The following KCNQ1OT1 variants were observed in gnomAD, a reference collection of about 807,000 sequenced individuals.
KCNQ1OT1 encodes the protein KCNQ1 antisense RNA 2 (non-protein coding).
Position 2,677,345 on chromosome 11 carries a change from T to C in KCNQ1OT1, n.22650A>G, listed in dbSNP as rs1850311775. The C allele has an allele frequency of 1.5e-5, 6 of 398,612 alleles. No homozygotes were observed. The highest frequency in any genetic ancestry group is 2.7e-5 in the Non-Finnish European group (6 of 226,052). The allele number at this position is 398,612 out of a possible 1,614,324, so 24.7% of individuals were successfully genotyped here. On this transcript the variant is annotated non_coding_transcript_exon_variant, in exon 1 of 1. Transcript: ENST00000597346. This position sits in a 1 kb window ranked among gnomAD's most constrained non-coding sequence, Gnocchi z 4.5. The stretch of plus-strand genomic sequence containing the variant: ...GTCAAATGATTTCTCAAATAGAGAC[T>C]GGGCAGAGTAGACCAGTTAGTTAAT...
At chr11:2,656,742 C>G (rs991059473) in exon 1 of KCNQ1OT1, 3 of 398,342 alleles carry the variant, frequency 7.5e-6, no homozygotes, top group Non-Finnish European at 1.3e-5. Flanking sequence ...ATTACTCAGT[C>G]TTCTCTCTCA....
At position 2,654,096 on chromosome 11, in the gene KCNQ1OT1, G is replaced by A. The variant is rs1014378444; in HGVS notation, n.45899C>T. On this transcript the variant is annotated non_coding_transcript_exon_variant, in exon 1 of 1. Coordinates refer to ENST00000597346, the Ensembl canonical transcript of KCNQ1OT1. This position sits in a 1 kb window ranked among gnomAD's most constrained non-coding sequence, Gnocchi z 6.4. ...TTTCCATCCATGTCCCTTACTTCTC[G>A]CCTCTGAGTGGAGACACAGGTGGTG... 7 of 398,614 alleles carry A rather than the reference G, an allele frequency of 1.8e-5. No homozygotes were observed. The highest frequency in any genetic ancestry group is 6.2e-4 in the Middle Eastern group (1 of 1,610). The allele number at this position is 398,614 out of a possible 1,614,324, so 24.7% of individuals were successfully genotyped here. A position where few individuals can be genotyped will look rare whatever the true frequency, so the allele number is the denominator to read the frequency against.
In KCNQ1OT1 at chr11:2,664,989, G is replaced by C. The variant is rs1388371413; in HGVS notation, n.35006C>G. Reference sequence around the variant, plus strand: ...GGGAAGGTCCCTGGGGCTGGGCGAAGCTCCTCTTTCCGGGGCCTGTTAGCC... The same window carrying C: ...GGGAAGGTCCCTGGGGCTGGGCGAACCTCCTCTTTCCGGGGCCTGTTAGCC... On this transcript the variant is annotated non_coding_transcript_exon_variant, in exon 1 of 1. Transcript: ENST00000597346. This position sits in a 1 kb window ranked among gnomAD's most constrained non-coding sequence, Gnocchi z 5.1. 2.5e-6 allele frequency: 1 copy of C among 398,698 alleles called. No homozygotes were observed. The highest frequency in any genetic ancestry group is 4.4e-6 in the Non-Finnish European group (1 of 226,156). The allele number at this position is 398,698 out of a possible 1,614,324, so 24.7% of individuals were successfully genotyped here.
Position 2,620,031 on chromosome 11 carries a change from A to C in KCNQ1OT1, n.79964T>G, listed in dbSNP as rs1849139474. 2.5e-6 allele frequency: 1 copy of C among 398,114 alleles called. No individual in the cohort carries two copies. The highest frequency in any genetic ancestry group is 4.4e-5 in the Admixed American group (1 of 22,680). 24.7% of individuals were successfully genotyped at this position (398,114 alleles called of 1,614,324 possible). A position where few individuals can be genotyped will look rare whatever the true frequency, so the allele number is the denominator to read the frequency against. ...CCACCTCTCCATTCCTCCCCCAAGT[A>C]GTCCCCAGTGTCTACTGATCATCTT... On this transcript the variant is annotated non_coding_transcript_exon_variant, in exon 1 of 1. Transcript: ENST00000597346. The surrounding 1 kb of genome is among the most constrained non-coding windows in gnomAD (Gnocchi z 4.5).
In KCNQ1OT1 at chr11:2,661,904, C is replaced by T; in HGVS notation, n.38091G>A. The stretch of plus-strand genomic sequence containing the variant: ...CTGGGAGCTCACAGGCCTGGCTCCA[C>T]AGCACTGGCAGGTTGGGTGGGAGGC... On this transcript the variant is annotated non_coding_transcript_exon_variant, in exon 1 of 1. Transcript: ENST00000597346. This position sits in a 1 kb window ranked among gnomAD's most constrained non-coding sequence, Gnocchi z 5.9. The T allele has an allele frequency of 3.1e-6, 5 of 1,612,670 alleles. No homozygotes were observed. The highest frequency in any genetic ancestry group is 4.2e-6 in the Non-Finnish European group (5 of 1,178,984).
At position 2,668,311 on chromosome 11, in the gene KCNQ1OT1, G is replaced by T; in HGVS notation, n.31684C>A. On this transcript the variant is annotated non_coding_transcript_exon_variant, in exon 1 of 1. Coordinates refer to ENST00000597346, the Ensembl canonical transcript of KCNQ1OT1. The surrounding 1 kb of genome is among the most constrained non-coding windows in gnomAD (Gnocchi z 4.3). ...GTGAGCATCAGGTTGCGTTTCTGGG[G>T]AATATATGCCTATGTGTGGAGCTGC... 1 of 398,594 alleles carries T rather than the reference G, an allele frequency of 2.5e-6. No individual in the cohort carries two copies. The highest frequency in any genetic ancestry group is 3.6e-5 in the East Asian group (1 of 28,074). The allele number at this position is 398,594 out of a possible 1,614,324, so 24.7% of individuals were successfully genotyped here. A position where few individuals can be genotyped will look rare whatever the true frequency, so the allele number is the denominator to read the frequency against.
rs181299502 is a variant in KCNQ1OT1 at position 2,649,259 on chromosome 11, T to A, written n.50736A>T. 8.2e-4 allele frequency: 328 copies of A among 398,480 alleles called. No homozygotes were observed. Among genetic ancestry groups the A allele is most frequent in the Middle Eastern group, 3.8e-3 (6 of 1,586 alleles). 24.7% of individuals were successfully genotyped at this position (398,480 alleles called of 1,614,324 possible). On this transcript the variant is annotated non_coding_transcript_exon_variant, in exon 1 of 1. Coordinates refer to ENST00000597346, the Ensembl canonical transcript of KCNQ1OT1. Reference sequence around the variant, plus strand: ...GACTTACTCCTGTCATTTTATTGTTTTCTGACTGATTTGTATACTTTTGTT... The same window carrying A: ...GACTTACTCCTGTCATTTTATTGTTATCTGACTGATTTGTATACTTTTGTT...
rs1848983608 is a variant in KCNQ1OT1 at position 2,611,832 on chromosome 11, T to C, written n.88163A>G. On this transcript the variant is annotated non_coding_transcript_exon_variant, in exon 1 of 1. Transcript: ENST00000597346. This position sits in a 1 kb window ranked among gnomAD's most constrained non-coding sequence, Gnocchi z 5.3. ...TTCTGCAGGTTGAATAGATATGTTC[T>C]AGAGTACCATTCTAATTCCTTTGTT... The C allele has an allele frequency of 2.5e-6, 1 of 398,390 alleles. No individual in the cohort carries two copies. Among genetic ancestry groups the C allele is most frequent in the African/African-American group, 2.1e-5 (1 of 48,640 alleles). 24.7% of individuals were successfully genotyped at this position (398,390 alleles called of 1,614,324 possible). A position where few individuals can be genotyped will look rare whatever the true frequency, so the allele number is the denominator to read the frequency against.
At position 2,621,239 on chromosome 11, in the gene KCNQ1OT1, A is replaced by G. The variant is rs982652555; in HGVS notation, n.78756T>C. On this transcript the variant is annotated non_coding_transcript_exon_variant, in exon 1 of 1. Transcript: ENST00000597346. The surrounding 1 kb of genome is among the most constrained non-coding windows in gnomAD (Gnocchi z 5.7). Reference sequence around the variant, plus strand: ...ATGATCCACGCACCTCAGCCTCCCAAAGTGCTAGGACTACAGGCATGAGCC... The same window carrying G: ...ATGATCCACGCACCTCAGCCTCCCAGAGTGCTAGGACTACAGGCATGAGCC... 21 of 397,792 alleles carry G rather than the reference A, an allele frequency of 5.3e-5. No individual in the cohort carries two copies. Among genetic ancestry groups the G allele is most frequent in the Non-Finnish European group, 8.8e-5 (20 of 225,998 alleles). The allele number at this position is 397,792 out of a possible 1,614,324, so 24.6% of individuals were successfully genotyped here. A position where few individuals can be genotyped will look rare whatever the true frequency, so the allele number is the denominator to read the frequency against.
chr11:2,690,069 C>A lies in KCNQ1OT1; in HGVS notation n.9926G>T. ...CTCCCCTCTCCTAGCCTGCTTCTGT[C>A]TGGGCTGAAGGCACAGCAGGGACAA... On this transcript the variant is annotated non_coding_transcript_exon_variant, in exon 1 of 1. Transcript: ENST00000597346. The surrounding 1 kb of genome is among the most constrained non-coding windows in gnomAD (Gnocchi z 5.1). The A allele has an allele frequency of 5.0e-6, 2 of 398,884 alleles. No homozygotes were observed. Among genetic ancestry groups the A allele is most frequent in the East Asian group, 7.1e-5 (2 of 28,074 alleles). 24.7% of individuals were successfully genotyped at this position (398,884 alleles called of 1,614,324 possible).
exon 1 of KCNQ1OT1, chr11:2,693,005 C>A (rs747753330): frequency 5.0e-6 from 2 of 398,646 alleles, no homozygotes; most frequent in Non-Finnish European, 8.8e-6. Context: ...CATAAGCAAG[C>A]ACGCTCAGTG....
At chr11:2,619,252 C>T in exon 1 of KCNQ1OT1, 1 of 398,478 alleles carries the variant, frequency 2.5e-6, no homozygotes. Context: ...TTGCCTTGTA[C>T]TGGTTCATAG....
At position 2,663,989 on chromosome 11, in the gene KCNQ1OT1, C is replaced by A. The variant is rs1035969358; in HGVS notation, n.36006G>T. 2.0e-5 allele frequency: 8 copies of A among 398,606 alleles called. No homozygotes were observed. Among genetic ancestry groups the A allele is most frequent in the African/African-American group, 1.2e-4 (6 of 48,640 alleles). The allele number at this position is 398,606 out of a possible 1,614,324, so 24.7% of individuals were successfully genotyped here. A position where few individuals can be genotyped will look rare whatever the true frequency, so the allele number is the denominator to read the frequency against. On this transcript the variant is annotated non_coding_transcript_exon_variant, in exon 1 of 1. Transcript: ENST00000597346. The surrounding 1 kb of genome is among the most constrained non-coding windows in gnomAD (Gnocchi z 5.2). ...GAACATCCATCCCCAAGCTCTCTGC[C>A]CACTTTGGGTCTGGCACATTACCAT...
At chr11:2,699,895 T>G (rs1038115350) in exon 1 of KCNQ1OT1, 2 of 397,880 alleles carry the variant, frequency 5.0e-6, no homozygotes, top group African/African-American at 4.1e-5. Flanking sequence ...AGGACCACGC[T>G]GAGAGGCACC....
rs1470004716 is a variant in KCNQ1OT1, at chr11:2,640,977, T to A, written n.59018A>T. 8 of 398,564 alleles carry A rather than the reference T, an allele frequency of 2.0e-5. No individual in the cohort carries two copies. The East Asian group carries it at 2.5e-4, about 12-fold the overall frequency. The allele number at this position is 398,564 out of a possible 1,614,324, so 24.7% of individuals were successfully genotyped here. ...ATAATGACCTCCAGCTCCATTCATG[T>A]TGCTGCAAAGGACATGATTTCATTC... On this transcript the variant is annotated non_coding_transcript_exon_variant, in exon 1 of 1. Coordinates refer to ENST00000597346, the Ensembl canonical transcript of KCNQ1OT1.
exon 1 of KCNQ1OT1, chr11:2,618,727 A>G (rs547001573): frequency 7.8e-5 from 31 of 398,376 alleles, no homozygotes; most frequent in Non-Finnish European, 1.3e-4. Flanking sequence ...AAAATTTTCC[A>G]TGGGATTTTG....
chr11:2,694,001 G>A (rs1850632107), exon 1 of KCNQ1OT1: 3 of 398,572 alleles, frequency 7.5e-6, no homozygotes, highest in Non-Finnish European at 1.3e-5. Flanking sequence ...GGCCTCTCTA[G>A]GCCACCTCCA....
In KCNQ1OT1 at chr11:2,647,802, A is replaced by G. The variant is rs1849689156; in HGVS notation, n.52193T>C. ...CATATAGTTGTTCATAATGGTCTCT[A>G]ATAATCTTTTGTATTTCTGTGGTGT... On this transcript the variant is annotated non_coding_transcript_exon_variant, in exon 1 of 1. Transcript: ENST00000597346. The surrounding 1 kb of genome is among the most constrained non-coding windows in gnomAD (Gnocchi z 4.0). 1 of 398,462 alleles carries G rather than the reference A, an allele frequency of 2.5e-6. No homozygotes were observed. Among genetic ancestry groups the G allele is most frequent in the Non-Finnish European group, 4.4e-6 (1 of 226,032 alleles). The allele number at this position is 398,462 out of a possible 1,614,324, so 24.7% of individuals were successfully genotyped here.
exon 1 of KCNQ1OT1, chr11:2,616,024 C>T (rs927641460): frequency 1.8e-5 from 7 of 397,972 alleles, no homozygotes; most frequent in Non-Finnish European, 2.7e-5. Context: ...GTTACTGATT[C>T]AAACTTTCTA....
Sources: gnomAD v4.1 joint callset for allele counts on GRCh38, gnomAD v4.1.1 for gene constraint, Gnocchi (gnomAD v3.1) non-coding constraint, MANE v1.5 for transcripts, NCBI Gene and HGNC (gene_info 2026-07-23, HGNC 2026-07-21) for gene names.